LRRFIP1: variants seen among roughly 807,000 people sequenced by gnomAD.
LRRFIP1 encodes the protein leucine-rich repeat flightless-interacting protein 1.
A neutral mutation model predicts 104.4 loss-of-function variants in LRRFIP1; 62 were observed. The observed-to-expected ratio is 0.59, with a 90% CI of 0.48 to 0.73. The LOEUF is 0.73. Ranked by LOEUF, LRRFIP1 falls within the 30% of genes least tolerant of loss-of-function variation. The pLI is 0.00. For missense variants in LRRFIP1, 796 were observed against 824.5 expected (o/e 0.97, Z 0.42); for synonymous variants, 300 against 299.0 (o/e 1.00, Z -0.03).
At chr2:237,763,656 C>T in intron 19 of LRRFIP1, 6 of 1,614,024 alleles carry the variant, frequency 3.7e-6, no homozygotes, top group Non-Finnish European at 5.1e-6. Context: ...CCGGAGAATC[C>T]TAAAATTAAG....
chr2:237,737,578 G>A (rs564537483), intron 10 of LRRFIP1, among the ~76,000 whole-genome samples: 1 of 152,350 alleles, frequency 6.6e-6, no homozygotes, highest in African/African-American at 2.4e-5. Flanking sequence ...AGTTCACTGT[G>A]TCTTTGCACC....
In LRRFIP1 at chr2:237,701,506, ACTT is replaced by A. The variant is rs554797634; in HGVS notation, c.97-7032_97-7030del. Among the ~76,000 whole-genome samples, 18 of 152,210 alleles carry A rather than the reference ACTT, an allele frequency of 1.2e-4. No individual in the cohort carries two copies. In the South Asian group the frequency reaches 1.2e-3, roughly 11 times the overall value. On this transcript the variant is annotated intron_variant, in intron 1 of 23. Coordinates refer to ENST00000308482, the MANE Select transcript of LRRFIP1 (RefSeq NM_001137550.2). ...GTTTCTCCTTGTGTCCTGGTCAATA[ACTT>A]CTTCTCTCTCTGGTTCTCCTTGGCC...
intron 10 of LRRFIP1, among the ~76,000 whole-genome samples, chr2:237,737,213 C>T (rs966161690): frequency 2.6e-5 from 4 of 152,192 alleles, no homozygotes; most frequent in Admixed American, 2.6e-4. Flanking sequence ...ATTGTCTGAT[C>T]CAGGAGCCGA....
At chr2:237,727,063 A>T (rs2094781354) in intron 7 of LRRFIP1, among the ~76,000 whole-genome samples, 1 of 152,230 alleles carries the variant, frequency 6.6e-6, no homozygotes, top group Non-Finnish European at 1.5e-5. Context: ...GATTGACTAG[A>T]AATAATTTCT....
chr2:237,642,156 G>A (rs1019929740), intron 1 of LRRFIP1, among the ~76,000 whole-genome samples: 1 of 152,238 alleles, frequency 6.6e-6, no homozygotes, highest in Non-Finnish European at 1.5e-5. Flanking sequence ...GCTGTGAGGA[G>A]TCTATGAGGC....
At chr2:237,772,498 A>G (rs74592408) in intron 21 of LRRFIP1, 1 of 210,194 alleles carries the variant, frequency 4.8e-6, no homozygotes, top group African/African-American at 2.6e-5. Flanking sequence ...TGATTGTATG[A>G]AAAAAAAAAA....
At chr2:237,667,118 A>G (rs1482470350) in intron 1 of LRRFIP1, among the ~76,000 whole-genome samples, 1 of 151,708 alleles carries the variant, frequency 6.6e-6, no homozygotes, top group East Asian at 1.9e-4. Flanking sequence ...CTGTCAACCC[A>G]TCATCTAGAT....
At position 237,749,549 on chromosome 2, in the gene LRRFIP1, C is replaced by T. The variant is rs141387732; in HGVS notation, c.795+225C>T. Among the ~76,000 whole-genome samples, 11 of 152,242 alleles carry T rather than the reference C, an allele frequency of 7.2e-5. No homozygotes were observed. The East Asian group carries it at 1.4e-3, about 19-fold the overall frequency. ...CCACTGACCCCCCAGCAGGGCGGAC[C>T]GTGTGCCGGCCCCCTGCGCCCCTCA... On this transcript the variant is annotated intron_variant, in intron 13 of 23. Coordinates refer to ENST00000308482, the MANE Select transcript of LRRFIP1 (RefSeq NM_001137550.2).
chr2:237,730,599 GA>G (rs1188648730), intron 8 of LRRFIP1, among the ~76,000 whole-genome samples: 1 of 152,096 alleles, frequency 6.6e-6, no homozygotes, highest in Non-Finnish European at 1.5e-5. Flanking sequence ...GTTTTGCCAG[GA>G]AAAAAGATGT....
chr2:237,696,957 C>G (rs1207070219), intron 1 of LRRFIP1, among the ~76,000 whole-genome samples: 1 of 152,236 alleles, frequency 6.6e-6, no homozygotes, highest in Non-Finnish European at 1.5e-5. Flanking sequence ...TTCACTCTGT[C>G]AAACTTTTCT....
chr2:237,706,844 T>G (rs1174103384), intron 1 of LRRFIP1, among the ~76,000 whole-genome samples: 1 of 152,114 alleles, frequency 6.6e-6, no homozygotes, highest in African/African-American at 2.4e-5. Context: ...CCCAGGCTGG[T>G]CTCGAACTCT....
At chr2:237,760,289 C>CCGTCG in intron 19 of LRRFIP1, 84 bp downstream of exon 19, 1 of 1,458,546 alleles carries the variant, frequency 6.9e-7, no homozygotes, top group East Asian at 2.3e-5. Context: ...GTTGGAGCCA[C>CCGTCG]CGTCGCTGAT....
At position 237,663,466 on chromosome 2, in the gene LRRFIP1, G is replaced by A. The variant is rs551173233; in HGVS notation, c.96+35726G>A. On this transcript the variant is annotated intron_variant, in intron 1 of 23. Coordinates refer to ENST00000308482, the MANE Select transcript of LRRFIP1 (RefSeq NM_001137550.2). ...CGCCATGTGAGGACACAATGGGAAG[G>A]GGGCCCTCACCCCTTCTATGAACAA... 2.0e-5 allele frequency among the ~76,000 whole-genome samples: 3 copies of A among 152,304 alleles called. No homozygotes were observed. The East Asian group carries it at 5.8e-4, about 29-fold the overall frequency.
chr2:237,745,292 A>C (rs985152904), intron 11 of LRRFIP1, among the ~76,000 whole-genome samples: 2 of 152,216 alleles, frequency 1.3e-5, no homozygotes, highest in Non-Finnish European at 2.9e-5. Flanking sequence ...TTCGGAAGAC[A>C]CACAAAATGA....
At chr2:237,770,080 C>T (rs1159240750) in intron 20 of LRRFIP1, 88 bp downstream of exon 20, 1 of 1,051,534 alleles carries the variant, frequency 9.5e-7, no homozygotes, top group Admixed American at 2.0e-5. Flanking sequence ...CTCAGAAAAC[C>T]CCTAAGTTAA....
chr2:237,630,219 A>G (rs2082156796), intron 1 of LRRFIP1, among the ~76,000 whole-genome samples: 4 of 152,338 alleles, frequency 2.6e-5, no homozygotes, highest in Middle Eastern at 6.8e-3. Context: ...ATTAACTTCT[A>G]TTTCTCAACT....
intron 7 of LRRFIP1, among the ~76,000 whole-genome samples, chr2:237,724,972 C>G (rs967541506): frequency 2.0e-5 from 3 of 152,148 alleles, no homozygotes; most frequent in Non-Finnish European, 4.4e-5. Flanking sequence ...CATTATTCAT[C>G]CAAAAAGTTG....
rs1271630654 is a variant in LRRFIP1 at position 237,760,116 on chromosome 2, A to C, written c.1370A>C (p.Asp457Ala). Residue 457 changes from aspartate to alanine, a missense_variant, in exon 19 of 24, where the codon GAC becomes GCC. Transcript: ENST00000308482. ...SEIATNGETS[D>A]TLNNVGYQGP... ...ATAGCTACCAATGGAGAGACTTCCG[A>C]CACCCTCAATAATGTTGGATACCAA... The C allele has an allele frequency of 6.2e-7, 1 of 1,613,834 alleles. No individual in the cohort carries two copies. The highest frequency in any genetic ancestry group is 8.5e-7 in the Non-Finnish European group (1 of 1,179,846).
intron 6 of LRRFIP1, 63 bp downstream of exon 6, chr2:237,720,885 C>T: frequency 7.1e-7 from 1 of 1,402,058 alleles, no homozygotes; most frequent in Non-Finnish European, 1.0e-6. Context: ...TTTACTTTCT[C>T]ATCCCCGCAT....
Sources: allele counts gnomAD v4.1 joint callset (sites outside exome capture counted in the v4.1 genomes callset), GRCh38; gene constraint gnomAD v4.1.1; transcripts MANE v1.5; gene names NCBI Gene and HGNC (gene_info 2026-07-23, HGNC 2026-07-21).